The following PRKD1 variants were observed in gnomAD, a reference collection of about 807,000 sequenced individuals.
PRKD1 encodes the protein serine/threonine-protein kinase D1.
In PRKD1, 63 loss-of-function variants were observed where a neutral mutation model predicts 95.9. The ratio of observed to expected loss-of-function variants is 0.66; its 90% confidence interval spans 0.54 to 0.81. PRKD1 has a LOEUF of 0.81. PRKD1 is among the 30% of genes least tolerant of loss of function. The probability of loss-of-function intolerance (pLI) is 0.00; values close to 1 mark genes in which losing one functional copy is unlikely to be tolerated. For synonymous variants in PRKD1, 425 were observed against 423.1 expected (o/e 1.00, Z -0.05); for missense variants, 1,048 against 1,165.3 (o/e 0.90, Z 1.47).
chr14:29,869,247 A>T (rs924650125), intron 1 of PRKD1, among the ~76,000 whole-genome samples: 1 of 152,152 alleles, frequency 6.6e-6, no homozygotes, highest in Non-Finnish European at 1.5e-5. Flanking sequence ...GTTTGAGACC[A>T]GCCTGGCCAA....
chr14:29,904,657 T>C (rs1894433914), intron 1 of PRKD1, among the ~76,000 whole-genome samples: 1 of 152,212 alleles, frequency 6.6e-6, no homozygotes, highest in Non-Finnish European at 1.5e-5. Context: ...GGATTCCTAC[T>C]GATCTTTATG....
intron 1 of PRKD1, among the ~76,000 whole-genome samples, chr14:29,737,213 T>G (rs1886762700): frequency 6.7e-6 from 1 of 149,912 alleles, no homozygotes; most frequent in Non-Finnish European, 1.5e-5. Flanking sequence ...TCCCAGCTAC[T>G]GGGGAGGCTG....
intron 1 of PRKD1, among the ~76,000 whole-genome samples, chr14:29,892,025 A>G (rs1385565767): frequency 6.6e-6 from 1 of 152,106 alleles, no homozygotes; most frequent in African/African-American, 2.4e-5. Context: ...AATTGTAGTG[A>G]CTCCACTTTG....
intron 1 of PRKD1, among the ~76,000 whole-genome samples, chr14:29,744,550 TA>T (rs769299760): frequency 6.6e-6 from 1 of 152,004 alleles, no homozygotes; most frequent in East Asian, 1.9e-4. Context: ...TTCTTTTTAT[TA>T]AAAAAACAAA....
chr14:29,741,427 T>C (rs945558914), intron 1 of PRKD1, among the ~76,000 whole-genome samples: 1 of 152,208 alleles, frequency 6.6e-6, no homozygotes, highest in Non-Finnish European at 1.5e-5. Context: ...TGTATGTTTA[T>C]TACTTCATTG....
chr14:29,621,091 C>CA (rs36196814), intron 13 of PRKD1, among the ~76,000 whole-genome samples: 86 of 143,424 alleles, frequency 6.0e-4, no homozygotes, highest in African/African-American at 1.2e-3. Flanking sequence ...ATCGCAAGGA[C>CA]AAAAAAAAAC....
intron 6 of PRKD1, among the ~76,000 whole-genome samples, chr14:29,637,104 C>T (rs1372241117): frequency 6.6e-6 from 1 of 152,024 alleles, no homozygotes; most frequent in Non-Finnish European, 1.5e-5. Flanking sequence ...TGCTAGAAGG[C>T]AAAGTGATAC....
intron 2 of PRKD1, among the ~76,000 whole-genome samples, chr14:29,698,407 G>A (rs1884649794): frequency 6.6e-6 from 1 of 152,070 alleles, no homozygotes; most frequent in South Asian, 2.1e-4. Context: ...AGCTTGACAA[G>A]AGAGAAAAGA....
At chr14:29,833,903 G>GA (rs1048230414) in intron 1 of PRKD1, among the ~76,000 whole-genome samples, 4 of 151,516 alleles carry the variant, frequency 2.6e-5, no homozygotes, top group African/African-American at 9.7e-5. Flanking sequence ...AAAAAAGGAA[G>GA]AAAAAAAGAA....
Position 29,809,809 on chromosome 14 carries a change from A to T in PRKD1, c.265-84135T>A, listed in dbSNP as rs182007124. Among the ~76,000 whole-genome samples, 9 of 152,310 alleles carry T rather than the reference A, an allele frequency of 5.9e-5. No individual in the cohort carries two copies. The East Asian group carries it at 1.7e-3, about 29-fold the overall frequency. On this transcript the variant is annotated intron_variant, in intron 1 of 17. Coordinates refer to ENST00000331968, the MANE Select transcript of PRKD1 (RefSeq NM_002742.3). ...TTCTTATCATTTGTGTGTTCACTGG[A>T]GTAGCACTTTTAATTTCCTTCAATA...
intron 1 of PRKD1, among the ~76,000 whole-genome samples, chr14:29,850,814 C>T (rs934343206): frequency 6.6e-6 from 1 of 151,650 alleles, no homozygotes; most frequent in African/African-American, 2.4e-5. Flanking sequence ...ATTACATTAC[C>T]TGACTTCAAA....
intron 2 of PRKD1, among the ~76,000 whole-genome samples, chr14:29,710,496 T>C (rs1885288025): frequency 6.6e-6 from 1 of 152,218 alleles, no homozygotes; most frequent in East Asian, 1.9e-4. Context: ...TTCTACAGGA[T>C]ACCTGGCCTG....
At chr14:29,786,238 T>C (rs1889268374) in intron 1 of PRKD1, among the ~76,000 whole-genome samples, 1 of 152,138 alleles carries the variant, frequency 6.6e-6, no homozygotes, top group Non-Finnish European at 1.5e-5. Context: ...GTTGGATTAA[T>C]TTTCATAATA....
intron 1 of PRKD1, among the ~76,000 whole-genome samples, chr14:29,845,206 AGTT>A (rs1056770369): frequency 6.6e-6 from 1 of 152,222 alleles, no homozygotes; most frequent in African/African-American, 2.4e-5. Context: ...AGGTATGTCA[AGTT>A]GTTGAGTGCT....
At chr14:29,587,298 C>T (rs986684371) in intron 16 of PRKD1, among the ~76,000 whole-genome samples, 2 of 152,044 alleles carry the variant, frequency 1.3e-5, no homozygotes, top group Non-Finnish European at 2.9e-5. Context: ...ACTTGGGAGC[C>T]GTACAGGGGT....
At chr14:29,593,002 G>C (rs1450945630) in intron 16 of PRKD1, among the ~76,000 whole-genome samples, 1 of 152,136 alleles carries the variant, frequency 6.6e-6, no homozygotes, top group Non-Finnish European at 1.5e-5. Context: ...CTTGGAGCCA[G>C]CGGACAGGAT....
intron 1 of PRKD1, among the ~76,000 whole-genome samples, chr14:29,911,592 A>G (rs1457067500): frequency 2.0e-5 from 3 of 152,196 alleles, no homozygotes; most frequent in Admixed American, 2.0e-4. Flanking sequence ...AAAAAATAAG[A>G]TATCCACCAA....
intron 1 of PRKD1, among the ~76,000 whole-genome samples, chr14:29,919,866 T>G (rs1378941077): frequency 6.6e-6 from 1 of 151,964 alleles, no homozygotes; most frequent in Non-Finnish European, 1.5e-5. Context: ...CTCGGGAGGC[T>G]GAGGTGGGAG....
At chr14:29,810,320 T>G (rs1185031582) in intron 1 of PRKD1, among the ~76,000 whole-genome samples, 2 of 152,096 alleles carry the variant, frequency 1.3e-5, no homozygotes, top group African/African-American at 4.8e-5. Context: ...GTAAAAAAAA[T>G]GCACAATCTG....
Sources: allele counts gnomAD v4.1 joint callset (sites outside exome capture counted in the v4.1 genomes callset), GRCh38; gene constraint gnomAD v4.1.1; transcripts MANE v1.5; gene names NCBI Gene and HGNC (gene_info 2026-07-23, HGNC 2026-07-21).